Variants in NVL observed in about 807,000 individuals in gnomAD.
NVL encodes nuclear VCP like.
NVL carries 84 observed loss-of-function variants against 110.2 expected under a neutral mutation model. That is an observed-to-expected ratio of 0.76 (90% CI 0.64 to 0.91). The LOEUF (loss-of-function observed/expected upper bound fraction) is 0.91, where lower values mean the gene tolerates loss of function less well. Among genes scored for constraint, NVL ranks in the 40% least tolerant of loss-of-function variants. The pLI is 0.00. For missense variants in NVL, 882 were observed against 1,035.9 expected, an observed-to-expected ratio of 0.85 and a Z score of 2.04; for synonymous variants, 354 against 361.1, an observed-to-expected ratio of 0.98 and a Z score of 0.22.
chr1:224,259,359 G>A (rs901900548), intron 18 of NVL, among the ~76,000 whole-genome samples: 1 of 152,122 alleles, frequency 6.6e-6, no homozygotes, highest in African/African-American at 2.4e-5. Context: ...CCAAAGTGCT[G>A]GGATTACAGG....
In NVL at chr1:224,294,296, T is replaced by C. The variant is rs1417199172; in HGVS notation, c.1296A>G (p.Leu432=). 1 of 1,614,188 alleles carries C rather than the reference T, an allele frequency of 6.2e-7. No individual in the cohort carries two copies. The highest frequency in any genetic ancestry group is 8.5e-7 in the Non-Finnish European group (1 of 1,180,038). ...CCCTGGATGCTTCATCTGGGATACCTAGGCATATTTCTCGGTCGAACCTTC... is the reference window on the plus strand; with the variant it reads ...CCCTGGATGCTTCATCTGGGATACCCAGGCATATTTCTCGGTCGAACCTTC... ...RAGRFDREIC[L]GIPDEASRER... The change falls in exon 12 of 23, where the codon CTA becomes CTG. Residue 432 remains leucine (L), a synonymous_variant. Coordinates refer to ENST00000281701, the MANE Select transcript of NVL (RefSeq NM_002533.4).
At chr1:224,316,677 A>AG (rs1312246219) in intron 4 of NVL, among the ~76,000 whole-genome samples, 1 of 150,646 alleles carries the variant, frequency 6.6e-6, no homozygotes, top group Non-Finnish European at 1.5e-5. Flanking sequence ...AAAAAAAAAA[A>AG]AGAAAAAGAA....
chr1:224,230,788 C>A (rs986333568), intron 22 of NVL, among the ~76,000 whole-genome samples: 4 of 152,132 alleles, frequency 2.6e-5, no homozygotes, highest in African/African-American at 9.6e-5. Flanking sequence ...TCAAAATGAA[C>A]CATGTAATTT....
chr1:224,327,391 A>G (rs536063848), intron 1 of NVL, among the ~76,000 whole-genome samples: 39 of 150,986 alleles, frequency 2.6e-4, no homozygotes, highest in African/African-American at 8.0e-4. Context: ...GGCAGTGAGC[A>G]GTGTTCACAC....
Position 224,326,440 on chromosome 1 carries a change from T to A in NVL, c.82A>T (p.Lys28Ter). ...GCTAAGACTCCAATGTCCACATATT[T>A]GCCACATTTGTTACTGGTAAGGTAC... ...IQYLTSNKCG[K>*]YVDIGVLASD... Residue 28 changes from lysine (K) to a stop codon, truncating the protein, a stop_gained, in exon 2 of 23, where the codon AAA (lysine) becomes TAA (stop). Transcript: ENST00000281701. LOFTEE classifies it high-confidence loss of function. 1 of 1,612,418 alleles carries A rather than the reference T, an allele frequency of 6.2e-7. No individual in the cohort carries two copies. The highest frequency in any genetic ancestry group is 8.5e-7 in the Non-Finnish European group (1 of 1,178,872).
intron 16 of NVL, among the ~76,000 whole-genome samples, chr1:224,280,188 T>TG (rs1558297704): frequency 6.6e-6 from 1 of 150,784 alleles, no homozygotes; most frequent in Non-Finnish European, 1.5e-5. Context: ...TGTTTTTTTT[T>TG]TTTTTGCTGG....
chr1:224,302,578 G>T (rs1668526798), intron 9 of NVL, among the ~76,000 whole-genome samples: 1 of 152,100 alleles, frequency 6.6e-6, no homozygotes, highest in Non-Finnish European at 1.5e-5. Flanking sequence ...AATCTGAGAG[G>T]GTTAAAATAA....
chr1:224,308,125 G>A lies in NVL; in HGVS notation c.481C>T (p.Pro161Ser). ...PRISSKTGSIPLKTPAKDSEG... is the reference protein window; with the variant it reads ...PRISSKTGSISLKTPAKDSEG... ...GAATCTTTGGCAGGGGTCTTCAAGG[G>A]AATGGAGCCTGTTTTGGAACTTATC... The change falls in exon 6 of 23, where the codon CCC (proline) becomes TCC (serine). Residue 161 changes from proline to serine, a missense_variant. This residue lies in a region of NVL where 274 missense variants were observed against 268.4 expected (regional missense o/e 1.02). Coordinates refer to ENST00000281701, the MANE Select transcript of NVL (RefSeq NM_002533.4). 6.2e-7 allele frequency: 1 copy of A among 1,614,088 alleles called. No homozygotes were observed. Among genetic ancestry groups the A allele is most frequent in the Non-Finnish European group, 8.5e-7 (1 of 1,180,000 alleles).
At position 224,296,392 on chromosome 1, in the gene NVL, T is replaced by C. The variant is rs1208201315; in HGVS notation, c.1180+109A>G. ...ACTGTGCCCAGTATGACTTTTTTTTTACACTATTTGATATTTACTATATGA... is the reference window on the plus strand; with the variant it reads ...ACTGTGCCCAGTATGACTTTTTTTTCACACTATTTGATATTTACTATATGA... On this transcript the variant is annotated intron_variant, in intron 11 of 22. Coordinates refer to ENST00000281701, the MANE Select transcript of NVL (RefSeq NM_002533.4). 8.5e-6 allele frequency: 5 copies of C among 590,684 alleles called. No individual in the cohort carries two copies. The African/African-American group carries it at 9.4e-5, about 11-fold the overall frequency. 36.6% of individuals were successfully genotyped at this position (590,684 alleles called of 1,614,324 possible).
At chr1:224,245,702 TC>T (rs1305872443) in intron 19 of NVL, among the ~76,000 whole-genome samples, 2 of 151,750 alleles carry the variant, frequency 1.3e-5, no homozygotes, top group African/African-American at 4.8e-5. Context: ...ACACCTGTAA[TC>T]CCAGCACTTT....
chr1:224,250,331 G>C lies in NVL; in HGVS notation c.2183-13C>G. On this transcript the variant is annotated splice_polypyrimidine_tract_variant and intron_variant, in intron 18 of 22. Coordinates refer to ENST00000281701, the MANE Select transcript of NVL (RefSeq NM_002533.4). ...GGGTCAATTATATCTAGAGAAGAAG[G>C]GAGAAAAAAAGTCTTAAATAAAACC... 1 of 1,527,636 alleles carries C rather than the reference G, an allele frequency of 6.5e-7. No individual in the cohort carries two copies. Among genetic ancestry groups the C allele is most frequent in the South Asian group, 1.3e-5 (1 of 78,904 alleles). The allele number at this position is 1,527,636 out of a possible 1,614,324, so 94.6% of individuals were successfully genotyped here.
At chr1:224,277,962 T>C (rs1665933806) in intron 16 of NVL, among the ~76,000 whole-genome samples, 1 of 152,204 alleles carries the variant, frequency 6.6e-6, no homozygotes, top group African/African-American at 2.4e-5. Context: ...TATCCCTTAA[T>C]TGTTCGAATC....
chr1:224,246,758 G>A (rs762128128), intron 19 of NVL, among the ~76,000 whole-genome samples: 4 of 152,114 alleles, frequency 2.6e-5, no homozygotes, highest in Admixed American at 6.6e-5. Context: ...CAAGAAGGCC[G>A]GGCATGGTGG....
intron 18 of NVL, among the ~76,000 whole-genome samples, chr1:224,266,062 A>G (rs1664471353): frequency 6.6e-6 from 1 of 152,210 alleles, no homozygotes; most frequent in Non-Finnish European, 1.5e-5. Context: ...AACAGATAAT[A>G]ATTTTAGCAT....
intron 20 of NVL, among the ~76,000 whole-genome samples, chr1:224,235,436 G>A (rs1044613394): frequency 1.3e-5 from 2 of 152,054 alleles, no homozygotes; most frequent in African/African-American, 4.8e-5. Flanking sequence ...CAAAGTGCTG[G>A]GATTACAGGC....
intron 12 of NVL, among the ~76,000 whole-genome samples, chr1:224,292,516 C>T (rs1197913416): frequency 6.6e-6 from 1 of 152,152 alleles, no homozygotes; most frequent in East Asian, 1.9e-4. Context: ...AAAGTTTGGG[C>T]ATCTATTCAT....
chr1:224,252,724 C>G (rs1004831463), intron 18 of NVL, among the ~76,000 whole-genome samples: 1 of 152,170 alleles, frequency 6.6e-6, no homozygotes, highest in African/African-American at 2.4e-5. Context: ...CAATATCATA[C>G]TAGAGCATGG....
rs1558343124 is a variant in NVL, at chr1:224,308,978, G to A, written c.343-715C>T. 2.7e-5 allele frequency among the ~76,000 whole-genome samples: 4 copies of A among 147,734 alleles called. No homozygotes were observed. The Admixed American group carries it at 2.7e-4, about 10-fold the overall frequency. On this transcript the variant is annotated intron_variant, in intron 5 of 22. Coordinates refer to ENST00000281701, the MANE Select transcript of NVL (RefSeq NM_002533.4). ...CGGGAGGCTGAGGCAGGAGAATGGC[G>A]AGAACCCGGGAGGCGGAGCTTGCAG...
intron 19 of NVL, among the ~76,000 whole-genome samples, chr1:224,246,709 C>T (rs1204703089): frequency 6.6e-6 from 1 of 152,144 alleles, no homozygotes; most frequent in African/African-American, 2.4e-5. Flanking sequence ...TTGACCAAAG[C>T]AAACAAAATC....
Sources: allele counts gnomAD v4.1 joint callset (sites outside exome capture counted in the v4.1 genomes callset), GRCh38; gene constraint gnomAD v4.1.1; regional missense constraint gnomAD v4.1.1; transcripts MANE v1.5; gene names NCBI Gene and HGNC (gene_info 2026-07-23, HGNC 2026-07-21).